The following TAB2 variants were observed in gnomAD, a reference collection of about 807,000 sequenced individuals.
The protein encoded by TAB2 is TGF-beta-activated kinase 1 and MAP3K7-binding protein 2.
TAB2 carries 3 observed loss-of-function variants against 65.0 expected under a neutral mutation model. That is an observed-to-expected ratio of 0.05 (90% CI 0.02 to 0.12). The LOEUF (loss-of-function observed/expected upper bound fraction) is 0.12, where lower values mean the gene tolerates loss of function less well. Among genes scored for constraint, TAB2 ranks in the 10% least tolerant of loss-of-function variants. The pLI, the probability that TAB2 is intolerant of heterozygous loss-of-function variation, is 1.00. For missense variants in TAB2, 623 were observed against 840.3 expected (o/e 0.74, Z 3.20); for synonymous variants, 298 against 285.1 (o/e 1.05, Z -0.46).
chr6:149,257,827 G>A (rs1026247240), intron 1 of TAB2, among the ~76,000 whole-genome samples: 3 of 152,076 alleles, frequency 2.0e-5, no homozygotes, highest in African/African-American at 7.2e-5. Flanking sequence ...ACAAGCACAA[G>A]CGAGGGCAAG....
chr6:149,298,227 T>G (rs1324773938), intron 1 of TAB2, among the ~76,000 whole-genome samples: 3 of 152,190 alleles, frequency 2.0e-5, no homozygotes, highest in Non-Finnish European at 2.9e-5. Context: ...ATGCATGCTA[T>G]TCCTCAGAAT....
chr6:149,366,254 A>T (rs889085061), intron 1 of TAB2, among the ~76,000 whole-genome samples: 1 of 152,190 alleles, frequency 6.6e-6, no homozygotes, highest in Non-Finnish European at 1.5e-5. Context: ...TTCAAGCCAG[A>T]TAACTTGACT....
chr6:149,324,228 G>C (rs1035994845), intron 1 of TAB2, among the ~76,000 whole-genome samples: 1 of 152,130 alleles, frequency 6.6e-6, no homozygotes, highest in African/African-American at 2.4e-5. Context: ...GAAGCAGCAA[G>C]AGTATAGGAA....
chr6:149,373,160 A>G (rs1409711589), intron 2 of TAB2, among the ~76,000 whole-genome samples: 2 of 152,184 alleles, frequency 1.3e-5, no homozygotes, highest in East Asian at 1.9e-4. Flanking sequence ...GGTGTAATTT[A>G]TATCTTTAAA....
At chr6:149,326,111 A>AG (rs1779608487) in intron 1 of TAB2, among the ~76,000 whole-genome samples, 1 of 152,300 alleles carries the variant, frequency 6.6e-6, no homozygotes, top group Admixed American at 6.5e-5. Context: ...TATAGTACCA[A>AG]GAAGAGTAAA....
chr6:149,287,870 T>C (rs1778706152), intron 1 of TAB2, among the ~76,000 whole-genome samples: 2 of 152,232 alleles, frequency 1.3e-5, no homozygotes. Flanking sequence ...AAGGAGGTCT[T>C]AAGCATTAAT....
intron 1 of TAB2, among the ~76,000 whole-genome samples, chr6:149,259,072 C>T (rs1778099636): frequency 6.6e-6 from 1 of 152,126 alleles, no homozygotes; most frequent in Non-Finnish European, 1.5e-5. Flanking sequence ...GCTGTCAACC[C>T]CTTGATTTTA....
intron 1 of TAB2, among the ~76,000 whole-genome samples, chr6:149,304,801 T>C (rs1779033020): frequency 6.6e-6 from 1 of 152,150 alleles, no homozygotes; most frequent in Admixed American, 6.5e-5. Context: ...GAGGATTGGT[T>C]CCAAGAATAC....
chr6:149,371,999 T>C (rs1781242306), intron 2 of TAB2, among the ~76,000 whole-genome samples: 2 of 152,174 alleles, frequency 1.3e-5, no homozygotes, highest in Non-Finnish European at 2.9e-5. Context: ...AGCTATGCTG[T>C]TCAGTAGGTT....
intron 1 of TAB2, among the ~76,000 whole-genome samples, chr6:149,294,993 G>A (rs960633962): frequency 2.0e-5 from 3 of 152,156 alleles, no homozygotes; most frequent in South Asian, 4.1e-4. Flanking sequence ...GTCATATCAC[G>A]TAAATTACAG....
intron 1 of TAB2, among the ~76,000 whole-genome samples, chr6:149,231,940 C>A (rs897943462): frequency 6.6e-6 from 1 of 152,140 alleles, no homozygotes; most frequent in African/African-American, 2.4e-5. Flanking sequence ...GGGCTCCCTA[C>A]CCAGAGCAAC....
At chr6:149,280,063 T>C (rs1414013064) in intron 1 of TAB2, among the ~76,000 whole-genome samples, 1 of 152,230 alleles carries the variant, frequency 6.6e-6, no homozygotes, top group Non-Finnish European at 1.5e-5. Flanking sequence ...TTTATTGCTA[T>C]ATATACTTCC....
intron 1 of TAB2, among the ~76,000 whole-genome samples, chr6:149,369,343 T>G (rs1276414246): frequency 5.9e-5 from 9 of 152,270 alleles, no homozygotes; most frequent in African/African-American, 1.9e-4. Context: ...TTGGGAAATA[T>G]TAGTATTTTA....
intron 1 of TAB2, among the ~76,000 whole-genome samples, chr6:149,334,651 GA>G (rs1274085428): frequency 6.6e-6 from 1 of 151,094 alleles, no homozygotes. Flanking sequence ...CTCCAGCCTG[GA>G]AAATAGAGCA....
At chr6:149,250,431 G>A (rs993600048) in intron 1 of TAB2, among the ~76,000 whole-genome samples, 46 of 151,886 alleles carry the variant, frequency 3.0e-4, no homozygotes, top group African/African-American at 1.0e-3. Flanking sequence ...TCAACCTCCC[G>A]AGTACCTGGG....
chr6:149,362,921 T>C (rs566067301), intron 1 of TAB2, among the ~76,000 whole-genome samples: 1 of 152,316 alleles, frequency 6.6e-6, no homozygotes, highest in South Asian at 2.1e-4. Flanking sequence ...CTCCCCATTT[T>C]CCCTAGTGTT....
intron 6 of TAB2, 133 bp downstream of exon 6, chr6:149,399,317 A>C: frequency 1.4e-6 from 1 of 696,170 alleles, no homozygotes. Flanking sequence ...CATTAAGAAG[A>C]TGTTTGCTTA....
intron 1 of TAB2, among the ~76,000 whole-genome samples, chr6:149,278,394 C>T (rs1228610724): frequency 6.6e-6 from 1 of 152,092 alleles, no homozygotes; most frequent in African/African-American, 2.4e-5. Context: ...AAACATATGA[C>T]TAGTTAGAGA....
chr6:149,314,476 GC>G (rs929019766), upstream of TAB2, among the ~76,000 whole-genome samples: 5 of 152,148 alleles, frequency 3.3e-5, no homozygotes, highest in African/African-American at 1.2e-4. Flanking sequence ...TCTGCTATGT[GC>G]ATGTTTTCTC....
Sources: gnomAD v4.1 joint callset for allele counts (sites outside exome capture counted in the v4.1 genomes callset) on GRCh38, gnomAD v4.1.1 for gene constraint, MANE v1.5 for transcripts, NCBI Gene and HGNC (gene_info 2026-07-23, HGNC 2026-07-21) for gene names.